Variants in MEF2A observed in about 807,000 individuals in gnomAD.
MEF2A encodes myocyte-specific enhancer factor 2A.
A neutral mutation model predicts 55.8 loss-of-function variants in MEF2A; 28 were observed. That is an observed-to-expected ratio of 0.50 (90% CI 0.37 to 0.69). The LOEUF (loss-of-function observed/expected upper bound fraction) is 0.69, where lower values mean the gene tolerates loss of function less well. Ranked by LOEUF, MEF2A falls within the 30% of genes least tolerant of loss-of-function variation. The probability of loss-of-function intolerance (pLI) is 0.00; values close to 1 mark genes in which losing one functional copy is unlikely to be tolerated. For missense variants in MEF2A, 528 were observed against 626.2 expected (o/e 0.84, Z 1.67); for synonymous variants, 239 against 227.1 (o/e 1.05, Z -0.47).
chr15:99,588,593 A>G (rs1054531407), intron 1 of MEF2A, among the ~76,000 whole-genome samples: 4 of 151,230 alleles, frequency 2.6e-5, no homozygotes, highest in African/African-American at 4.9e-5. Context: ...GGTGTGAGCC[A>G]CTGCACCTGG....
intron 4 of MEF2A, among the ~76,000 whole-genome samples, chr15:99,656,530 G>A (rs1356806450): frequency 2.0e-5 from 3 of 152,078 alleles, no homozygotes; most frequent in African/African-American, 7.2e-5. Flanking sequence ...AATGCTGGCA[G>A]CACTTGAATT....
intron 8 of MEF2A, among the ~76,000 whole-genome samples, chr15:99,693,308 A>G (rs1488144434): frequency 6.6e-6 from 1 of 152,210 alleles, no homozygotes; most frequent in Non-Finnish European, 1.5e-5. Flanking sequence ...ATGGTATAAC[A>G]TATTTATAAT....
intron 4 of MEF2A, among the ~76,000 whole-genome samples, chr15:99,658,885 C>G (rs2048179259): frequency 6.6e-6 from 1 of 152,038 alleles, no homozygotes; most frequent in Non-Finnish European, 1.5e-5. Context: ...GGGCCAAGAC[C>G]AAGTCAGGCT....
At chr15:99,638,568 T>A (rs1025512390) in intron 3 of MEF2A, among the ~76,000 whole-genome samples, 4 of 152,206 alleles carry the variant, frequency 2.6e-5, no homozygotes, top group Non-Finnish European at 5.9e-5. Flanking sequence ...TCCTGCTTTT[T>A]AAAATTAACT....
intron 5 of MEF2A, among the ~76,000 whole-genome samples, chr15:99,673,208 T>C (rs1360755841): frequency 4.6e-5 from 7 of 152,184 alleles, no homozygotes; most frequent in African/African-American, 1.4e-4. Context: ...ATGCTCAACC[T>C]GTATAAGAAG....
chr15:99,662,284 G>A (rs959545473), intron 4 of MEF2A, among the ~76,000 whole-genome samples: 3 of 151,958 alleles, frequency 2.0e-5, no homozygotes, highest in Admixed American at 6.6e-5. Flanking sequence ...ATATAAACTT[G>A]TACATACCTT....
chr15:99,673,980 CCGT>C (rs2051388964), intron 5 of MEF2A, among the ~76,000 whole-genome samples: 1 of 151,892 alleles, frequency 6.6e-6, no homozygotes, highest in Non-Finnish European at 1.5e-5. Context: ...TTTTCTCCTT[CCGT>C]TATATTTGGG....
At chr15:99,627,442 A>G (rs2042227472) in intron 2 of MEF2A, among the ~76,000 whole-genome samples, 1 of 150,720 alleles carries the variant, frequency 6.6e-6, no homozygotes, top group Non-Finnish European at 1.5e-5. Context: ...AAAAAAAAAA[A>G]AAAAAAAAGA....
intron 6 of MEF2A, among the ~76,000 whole-genome samples, chr15:99,675,017 A>C (rs1225369685): frequency 6.6e-6 from 1 of 152,078 alleles, no homozygotes; most frequent in African/African-American, 2.4e-5. Flanking sequence ...AATTCAGCAA[A>C]ATTTATGTTA....
At chr15:99,587,355 G>A (rs559668902) in intron 1 of MEF2A, among the ~76,000 whole-genome samples, 2 of 152,198 alleles carry the variant, frequency 1.3e-5, no homozygotes, top group South Asian at 2.1e-4. Context: ...ATGGTTTCCA[G>A]CTTCATCCAT....
At chr15:99,695,370 T>G (rs2056278741) in intron 8 of MEF2A, among the ~76,000 whole-genome samples, 1 of 152,050 alleles carries the variant, frequency 6.6e-6, no homozygotes, top group African/African-American at 2.4e-5. Context: ...TAAAGAAGTA[T>G]AAATAAGTCA....
rs938456539 is a variant in MEF2A at position 99,704,239 on chromosome 15, G to A, written c.882+854G>A. On this transcript the variant is annotated intron_variant, in intron 9 of 11. Transcript: ENST00000557942. ...TAATATTCCATGTTTATGCATGCTG[G>A]TGTGTTTTGCACAGTTTGTTTTCTT... 5.9e-5 allele frequency among the ~76,000 whole-genome samples: 9 copies of A among 152,166 alleles called. 1 individual carries two copies. Among genetic ancestry groups the A allele is most frequent in the Non-Finnish European group, 1.5e-5 (1 of 68,022 alleles).
intron 1 of MEF2A, among the ~76,000 whole-genome samples, chr15:99,588,296 G>GT (rs1450107840): frequency 6.6e-6 from 1 of 151,576 alleles, no homozygotes; most frequent in Non-Finnish European, 1.5e-5. Context: ...TTTTTTTGTT[G>GT]TTTTTTTCTT....
chr15:99,632,456 G>A (rs536535601), intron 2 of MEF2A, among the ~76,000 whole-genome samples: 2 of 152,264 alleles, frequency 1.3e-5, no homozygotes, highest in East Asian at 3.9e-4. Flanking sequence ...TTGGTATGGA[G>A]GTCATCAGAA....
chr15:99,661,486 T>C (rs1427400624), intron 4 of MEF2A, among the ~76,000 whole-genome samples: 1 of 151,284 alleles, frequency 6.6e-6, no homozygotes, highest in Non-Finnish European at 1.5e-5. Flanking sequence ...AGGGCTTACA[T>C]TGACTACTTA....
At chr15:99,567,095 A>T (rs920541411) in intron 1 of MEF2A, among the ~76,000 whole-genome samples, 5 of 152,244 alleles carry the variant, frequency 3.3e-5, no homozygotes, top group African/African-American at 1.2e-4. Flanking sequence ...TGTTGCTCAC[A>T]TCCGAAATAG....
Position 99,712,485 on chromosome 15 carries a change from G to A in MEF2A, c.1232G>A (p.Arg411His), listed in dbSNP as rs372533601. The part of the protein sequence containing the change: ...KSEPISPPRD[R>H]MTPSGFQQQQ... ...GAACCGATTTCACCTCCTCGGGATC[G>A]TATGACCCCATCGGGCTTCCAGCAG... is the stretch of plus-strand genomic sequence containing the variant. Residue 411 changes from arginine to histidine, a missense_variant, in exon 12 of 12, where the codon CGT (arginine) becomes CAT (histidine). Physicochemically the swap from Arg to His is conservative, Grantham distance 29. Coordinates refer to ENST00000557942, the MANE Select transcript of MEF2A (RefSeq NM_001319206.4). This position sits in a 1 kb window ranked among gnomAD's most constrained non-coding sequence, Gnocchi z 4.1. The A allele has an allele frequency of 2.6e-5, 40 of 1,551,186 alleles. No individual in the cohort carries two copies. In the South Asian group the frequency reaches 2.9e-4, roughly 11 times the overall value.
intron 4 of MEF2A, among the ~76,000 whole-genome samples, chr15:99,652,505 C>G (rs150629359): frequency 5.3e-5 from 8 of 152,216 alleles, no homozygotes; most frequent in East Asian, 3.9e-4. Flanking sequence ...CAAAGATGCT[C>G]TAGGTCAGAG....
chr15:99,621,341 G>A (rs1168708731), intron 2 of MEF2A, among the ~76,000 whole-genome samples: 7 of 151,856 alleles, frequency 4.6e-5, no homozygotes, highest in Non-Finnish European at 8.8e-5. Context: ...GATTGTGTTG[G>A]GATGAACATC....
Sources: allele counts gnomAD v4.1 joint callset (sites outside exome capture counted in the v4.1 genomes callset), GRCh38; gene constraint gnomAD v4.1.1; non-coding constraint Gnocchi (gnomAD v3.1); transcripts MANE v1.5; gene names NCBI Gene and HGNC (gene_info 2026-07-23, HGNC 2026-07-21).